The following STK26 variants were observed in gnomAD, a reference collection of about 807,000 sequenced individuals.
STK26 encodes the protein serine/threonine-protein kinase 26.
Under a neutral mutation model 34.7 loss-of-function variants are expected in STK26, and 14 were observed. The observed-to-expected ratio is 0.40, with a 90% CI of 0.27 to 0.63. STK26 has a LOEUF of 0.63. STK26 is among the 30% of genes least tolerant of loss of function. The pLI, the probability that STK26 is intolerant of heterozygous loss-of-function variation, is 0.38. For synonymous variants in STK26, 100 were observed against 109.8 expected (o/e 0.91, Z 0.56); for missense variants, 226 against 309.1 (o/e 0.73, Z 2.02).
intron 3 of STK26, among the ~76,000 whole-genome samples, chrX:132,056,521 G>A: frequency 9.0e-6 from 1 of 111,715 alleles, no homozygotes; most frequent in Non-Finnish European, 1.9e-5. Flanking sequence ...AGCTGCTAGG[G>A]TCCCCCCAGT....
At chrX:132,072,382 ACTTACT>A (rs764875828) in intron 9 of STK26, 21 bp downstream of exon 9, 1 of 1,136,974 alleles carries the variant, frequency 8.8e-7, no homozygotes, top group African/African-American at 1.8e-5. Flanking sequence ...GGAGACAATT[ACTTACT>A]CTTCATACAG....
intron 2 of STK26, among the ~76,000 whole-genome samples, chrX:132,034,880 T>A (rs1925988318): frequency 9.1e-6 from 1 of 110,492 alleles, no homozygotes; most frequent in African/African-American, 3.3e-5. Context: ...ATTGAATAGA[T>A]CTGAGGTGAA....
At chrX:132,035,799 A>C (rs1329790563) in intron 2 of STK26, among the ~76,000 whole-genome samples, 3 of 103,449 alleles carry the variant, frequency 2.9e-5, no homozygotes. Flanking sequence ...AAAAAAAAAA[A>C]CAAACAAACC....
intron 11 of STK26, 58 bp downstream of exon 11, chrX:132,073,151 A>G: frequency 1.8e-6 from 2 of 1,087,186 alleles, no homozygotes; most frequent in East Asian, 6.1e-5. Flanking sequence ...ATGTTAATTT[A>G]TGATGCAATG....
At chrX:132,026,109 A>C (rs1206190665) in intron 2 of STK26, among the ~76,000 whole-genome samples, 1 of 112,080 alleles carries the variant, frequency 8.9e-6, no homozygotes, top group Admixed American at 9.4e-5. Context: ...ATACAAAGAA[A>C]ATTACTTTAT....
intron 4 of STK26, among the ~76,000 whole-genome samples, chrX:132,067,095 C>G (rs1174247479): frequency 9.0e-6 from 1 of 111,537 alleles, no homozygotes; most frequent in Non-Finnish European, 1.9e-5. Context: ...AGGAAAGGGA[C>G]CTATTGAATT....
intron 2 of STK26, among the ~76,000 whole-genome samples, chrX:132,032,295 C>G (rs747552338): frequency 2.7e-5 from 3 of 112,173 alleles, no homozygotes; most frequent in Non-Finnish European, 5.6e-5. Flanking sequence ...AACTGTGGTT[C>G]ATACTTCCTG....
chrX:132,063,390 T>C, intron 3 of STK26, 43 bp from the exon 4 acceptor site: 6 of 1,108,118 alleles, frequency 5.4e-6, no homozygotes, highest in East Asian at 3.0e-5. Flanking sequence ...TATGTTATTT[T>C]GGCTCAGGTT....
At chrX:132,034,113 T>TAC (rs1415397298) in intron 2 of STK26, among the ~76,000 whole-genome samples, 1 of 99,900 alleles carries the variant, frequency 1.0e-5, no homozygotes, top group African/African-American at 3.6e-5. Flanking sequence ...AATAAATACA[T>TAC]ATATATATAT....
chrX:132,063,667 G>A (rs867565042), intron 4 of STK26, among the ~76,000 whole-genome samples, 178 bp downstream of exon 4: 2 of 111,512 alleles, frequency 1.8e-5, no homozygotes, highest in Non-Finnish European at 3.8e-5. Context: ...TGTATTGTAC[G>A]TTTGAACATG....
rs1298750841 is a variant in STK26 at position 132,023,645 on chromosome X, G to C, written c.28G>C (p.Val10Leu). The C allele has an allele frequency of 8.5e-7, 1 of 1,179,694 alleles. No individual in the cohort carries two copies. Among genetic ancestry groups the C allele is most frequent in the Admixed American group, 2.4e-5 (1 of 41,323 alleles). MAHSPVAVQ[V>L]PGMQNNIADP... Reference sequence around the variant, plus strand: ...GGCCCACTCGCCGGTGGCTGTCCAAGTGCCTGGGATGCAGGTGAGGAAGCG... The same window carrying C: ...GGCCCACTCGCCGGTGGCTGTCCAACTGCCTGGGATGCAGGTGAGGAAGCG... The change falls in exon 2 of 12, where the codon GTG becomes CTG. Residue 10 changes from valine to leucine, a missense_variant. By Grantham distance (32) the Val-to-Leu change is conservative. Transcript: ENST00000394334.
At chrX:132,073,490 C>A (rs913603131) in intron 11 of STK26, among the ~76,000 whole-genome samples, 5 of 111,551 alleles carry the variant, frequency 4.5e-5, no homozygotes, top group Admixed American at 9.6e-5. Flanking sequence ...AAAGTTCCTA[C>A]GTTTGATCTC....
intron 4 of STK26, among the ~76,000 whole-genome samples, chrX:132,064,864 G>C (rs1338380850): frequency 8.9e-6 from 1 of 111,808 alleles, no homozygotes; most frequent in Non-Finnish European, 1.9e-5. Context: ...TTTCCTAACT[G>C]AAAGTGATTA....
At chrX:132,054,888 T>A in intron 3 of STK26, 27 bp downstream of exon 3, 1 of 1,102,786 alleles carries the variant, frequency 9.1e-7, no homozygotes, top group Non-Finnish European at 1.2e-6. Context: ...ATTATTTAAG[T>A]CATAAGGTAT....
intron 3 of STK26, among the ~76,000 whole-genome samples, chrX:132,055,912 T>G (rs1488709099): frequency 1.8e-5 from 2 of 112,608 alleles, no homozygotes; most frequent in Non-Finnish European, 3.7e-5. Flanking sequence ...TCACAGATTC[T>G]TTCTTCTGTT....
chrX:132,046,977 C>T (rs965667567), intron 2 of STK26, among the ~76,000 whole-genome samples: 16 of 112,019 alleles, frequency 1.4e-4, no homozygotes, highest in African/African-American at 3.2e-4. Context: ...TTTCATTGTA[C>T]ACTTAGTTAA....
intron 2 of STK26, among the ~76,000 whole-genome samples, chrX:132,052,049 A>G (rs1254624947): frequency 9.1e-6 from 1 of 110,199 alleles, no homozygotes; most frequent in Non-Finnish European, 1.9e-5. Flanking sequence ...TTTGATTTGG[A>G]TGGAGAGGGA....
At chrX:132,072,503 A>G in intron 9 of STK26, 142 bp downstream of exon 9, 1 of 536,735 alleles carries the variant, frequency 1.9e-6, no homozygotes, top group South Asian at 3.3e-5. Context: ...TTCATTTGTC[A>G]TTAGTTTTGA....
chrX:132,055,425 CA>C (rs1338424799), intron 3 of STK26: 1 of 1,122,457 alleles, frequency 8.9e-7, no homozygotes, highest in Admixed American at 2.6e-5. Flanking sequence ...CCTCCCCCTC[CA>C]AATAAAAGTT....
Sources: gnomAD v4.1 joint callset for allele counts (sites outside exome capture counted in the v4.1 genomes callset) on GRCh38, gnomAD v4.1.1 for gene constraint, MANE v1.5 for transcripts, NCBI Gene and HGNC (gene_info 2026-07-23, HGNC 2026-07-21) for gene names.